PLXDC2: variants seen among roughly 807,000 people sequenced by gnomAD.
PLXDC2 encodes the protein plexin domain-containing protein 2.
Under a neutral mutation model 68.9 loss-of-function variants are expected in PLXDC2, and 40 were observed. The ratio of observed to expected loss-of-function variants is 0.58; its 90% CI spans 0.45 to 0.76. The LOEUF (loss-of-function observed/expected upper bound fraction) is 0.76. Among genes scored for constraint, PLXDC2 ranks in the 30% least tolerant of loss-of-function variants. PLXDC2 has a pLI of 0.00. For missense variants in PLXDC2, 644 were observed against 661.9 expected (o/e 0.97, Z 0.30); for synonymous variants, 243 against 234.2 (o/e 1.04, Z -0.34).
chr10:19,856,720 A>G (rs931885733), intron 1 of PLXDC2, among the ~76,000 whole-genome samples: 1 of 152,232 alleles, frequency 6.6e-6, no homozygotes, highest in Admixed American at 6.5e-5. Context: ...GTTTCCAGAC[A>G]TGAATAAATG....
chr10:19,868,470 T>C (rs1224179541), intron 1 of PLXDC2, among the ~76,000 whole-genome samples: 1 of 152,172 alleles, frequency 6.6e-6, no homozygotes, highest in African/African-American at 2.4e-5. Context: ...TTCTCGGAAA[T>C]AGCAACCAAT....
chr10:20,048,833 T>C (rs149791964), intron 3 of PLXDC2, among the ~76,000 whole-genome samples: 1 of 152,234 alleles, frequency 6.6e-6, no homozygotes, highest in Non-Finnish European at 1.5e-5. Context: ...CTTGGTTGCC[T>C]TGTGACAGCT....
chr10:20,180,016 G>A (rs1268866298), intron 9 of PLXDC2, among the ~76,000 whole-genome samples: 1 of 152,030 alleles, frequency 6.6e-6, no homozygotes, highest in African/African-American at 2.4e-5. Flanking sequence ...CTGAAAAATT[G>A]TAGACATATT....
intron 12 of PLXDC2, among the ~76,000 whole-genome samples, chr10:20,228,862 G>A (rs749917467): frequency 3.9e-4 from 59 of 152,214 alleles, no homozygotes; most frequent in Middle Eastern, 3.4e-3. Context: ...GACAAGTCAA[G>A]TTAAAAAAAA....
intron 3 of PLXDC2, among the ~76,000 whole-genome samples, chr10:20,049,117 C>T (rs999271124): frequency 6.6e-6 from 1 of 152,016 alleles, no homozygotes; most frequent in Non-Finnish European, 1.5e-5. Flanking sequence ...AACATTTCTT[C>T]AGAGTTAGAA....
chr10:20,064,285 A>G (rs1836157731), intron 3 of PLXDC2, among the ~76,000 whole-genome samples: 1 of 146,598 alleles, frequency 6.8e-6, no homozygotes, highest in Admixed American at 6.9e-5. Context: ...CAGTGGTGTG[A>G]TCTTGGCTCA....
At chr10:20,242,422 A>T (rs927398250) in intron 12 of PLXDC2, among the ~76,000 whole-genome samples, 7 of 152,194 alleles carry the variant, frequency 4.6e-5, no homozygotes, top group African/African-American at 7.2e-5. Context: ...TAAATGTGGA[A>T]TTCTCACATC....
At chr10:19,881,324 C>T (rs1837723771) in intron 1 of PLXDC2, among the ~76,000 whole-genome samples, 1 of 152,102 alleles carries the variant, frequency 6.6e-6, no homozygotes, top group South Asian at 2.1e-4. Flanking sequence ...CCATGTTGGT[C>T]TGGCTGGTCT....
intron 1 of PLXDC2, among the ~76,000 whole-genome samples, chr10:19,927,852 T>C (rs1833564599): frequency 3.3e-5 from 5 of 152,178 alleles, no homozygotes; most frequent in Admixed American, 2.0e-4. Context: ...CAAGTGGTTT[T>C]TGGTTTCACA....
At chr10:20,035,618 C>A (rs1316891981) in intron 2 of PLXDC2, among the ~76,000 whole-genome samples, 1 of 152,050 alleles carries the variant, frequency 6.6e-6, no homozygotes, top group East Asian at 1.9e-4. Flanking sequence ...ATCGTTTGAA[C>A]CCGGGAGGTG....
intron 1 of PLXDC2, among the ~76,000 whole-genome samples, chr10:19,908,041 A>G (rs1833199233): frequency 6.6e-6 from 1 of 152,160 alleles, no homozygotes; most frequent in African/African-American, 2.4e-5. Flanking sequence ...GCGGGATGTC[A>G]CTCTTTAAAA....
At chr10:19,990,235 G>A (rs1183590979) in intron 1 of PLXDC2, among the ~76,000 whole-genome samples, 1 of 152,092 alleles carries the variant, frequency 6.6e-6, no homozygotes, top group Non-Finnish European at 1.5e-5. Context: ...GAGCATTAGT[G>A]ACTATATATC....
At chr10:20,074,478 G>A (rs574888052) in intron 4 of PLXDC2, among the ~76,000 whole-genome samples, 113 of 152,054 alleles carry the variant, frequency 7.4e-4, no homozygotes, top group African/African-American at 2.6e-3. Flanking sequence ...TTCAAACTTA[G>A]AGTAGTTTCC....
chr10:20,137,491 A>G (rs1261206861), intron 4 of PLXDC2, among the ~76,000 whole-genome samples: 3 of 152,206 alleles, frequency 2.0e-5, no homozygotes, highest in Non-Finnish European at 4.4e-5. Context: ...TATAATATAA[A>G]TCTATTTATG....
rs1301324043 is a variant in PLXDC2 at position 20,289,323 on chromosome 10, C to T, written c.*9504C>T. 1 of 152,170 alleles carries T rather than the reference C, an allele frequency of 6.6e-6. No individual in the cohort carries two copies. Among genetic ancestry groups the T allele is most frequent in the African/African-American group, 2.4e-5 (1 of 41,434 alleles). 9.4% of individuals were successfully genotyped at this position (152,170 alleles called of 1,614,324 possible). A position where few individuals can be genotyped will look rare whatever the true frequency, so the allele number is the denominator to read the frequency against. ...CCTATTCCCAGCCACAGTGCCCAAG[C>T]GTTCAAGTCTCCTGGATCAGACAGA... On this transcript the variant is annotated 3_prime_UTR_variant, in exon 14 of 14. Coordinates refer to ENST00000377252, the MANE Select transcript of PLXDC2 (RefSeq NM_032812.9).
At chr10:20,200,337 T>C (rs968842931) in intron 9 of PLXDC2, among the ~76,000 whole-genome samples, 2 of 151,928 alleles carry the variant, frequency 1.3e-5, no homozygotes, top group African/African-American at 4.8e-5. Flanking sequence ...ACCTCACGAG[T>C]AATATAAGAA....
chr10:19,861,254 A>G (rs1008486246), intron 1 of PLXDC2, among the ~76,000 whole-genome samples: 1 of 151,676 alleles, frequency 6.6e-6, no homozygotes, highest in Non-Finnish European at 1.5e-5. Flanking sequence ...AGGCTGGTCT[A>G]GGACTCCTGA....
chr10:20,285,617 AC>A lies in PLXDC2; in HGVS notation c.*5800del, dbSNP rs1407478028. On this transcript the variant is annotated 3_prime_UTR_variant, in exon 14 of 14. Transcript: ENST00000377252. The stretch of plus-strand genomic sequence containing the variant: ...AAAAAGTTACTCAAAATTCTCCCTG[AC>A]CTAAGAATACTTTCTAGTTCACTGC... The A allele has an allele frequency of 6.6e-6, 1 of 152,182 alleles. No homozygotes were observed. Among genetic ancestry groups the A allele is most frequent in the Non-Finnish European group, 1.5e-5 (1 of 68,038 alleles). 9.4% of individuals were successfully genotyped at this position (152,182 alleles called of 1,614,324 possible).
intron 1 of PLXDC2, among the ~76,000 whole-genome samples, chr10:19,941,773 C>G (rs1589548002): frequency 6.6e-6 from 1 of 152,086 alleles, no homozygotes; most frequent in East Asian, 1.9e-4. Context: ...TTTCTCTTTT[C>G]TCCCCCTTCA....
Sources: gnomAD v4.1 joint callset for allele counts (sites outside exome capture counted in the v4.1 genomes callset) on GRCh38, gnomAD v4.1.1 for gene constraint, MANE v1.5 for transcripts, NCBI Gene and HGNC (gene_info 2026-07-23, HGNC 2026-07-21) for gene names.